USP33: variants seen among roughly 807,000 people sequenced by gnomAD.
USP33 encodes ubiquitin carboxyl-terminal hydrolase 33.
In USP33, 46 loss-of-function variants were observed where a neutral mutation model predicts 124.2. The observed-to-expected ratio is 0.37, with a 90% CI of 0.29 to 0.47. The LOEUF (loss-of-function observed/expected upper bound fraction) is 0.47. USP33 is among the 20% of genes least tolerant of loss of function. USP33 has a pLI of 0.99. For synonymous variants in USP33, 350 were observed against 352.3 expected (o/e 0.99, Z 0.07); for missense variants, 851 against 1,070.6 (o/e 0.79, Z 2.86).
chr1:77,741,762 AAC>A lies in USP33; in HGVS notation c.-51-16_-51-15del. On this transcript the variant is annotated splice_polypyrimidine_tract_variant and intron_variant, in intron 1 of 23. Coordinates refer to ENST00000370794, the MANE Select transcript of USP33 (RefSeq NM_201624.3). ...ATGAGGTAACACCTATAAGAAAAGT[AAC>A]ACACACAAAAAAATTAATAAATGCT... The A allele has an allele frequency of 1.3e-6, 2 of 1,543,094 alleles. No individual in the cohort carries two copies. Among genetic ancestry groups the A allele is most frequent in the Non-Finnish European group, 1.7e-6 (2 of 1,150,430 alleles).
Position 77,714,598 on chromosome 1 carries a change from T to C in USP33, c.2215+16A>G. On this transcript the variant is annotated intron_variant, in intron 19 of 23. Transcript: ENST00000370794. The stretch of plus-strand genomic sequence containing the variant: ...AGCAAACTTCTACTACCGGTTTGCA[T>C]TACAGGAGTTCTTACCTCCATGAAT... 1 of 1,606,486 alleles carries C rather than the reference T, an allele frequency of 6.2e-7. No individual in the cohort carries two copies. The highest frequency in any genetic ancestry group is 2.2e-5 in the East Asian group (1 of 44,772).
At position 77,696,207 on chromosome 1, in the gene USP33, C is replaced by T. The variant is rs1250340089; in HGVS notation, c.*1110G>A. ...TTATTCAAAAAGACTTTATCTATTT[C>T]ATTTAAAAAATCAAGTTGCAAGTGG... On this transcript the variant is annotated 3_prime_UTR_variant, in exon 24 of 24. Transcript: ENST00000370794. 1 of 152,438 alleles carries T rather than the reference C, an allele frequency of 6.6e-6. No individual in the cohort carries two copies. Among genetic ancestry groups the T allele is most frequent in the African/African-American group, 2.4e-5 (1 of 41,450 alleles). 9.4% of individuals were successfully genotyped at this position (152,438 alleles called of 1,614,324 possible).
chr1:77,734,297 A>C, intron 7 of USP33, 50 bp downstream of exon 7: 1 of 1,409,938 alleles, frequency 7.1e-7, no homozygotes, highest in Admixed American at 2.3e-5. Context: ...CTGCTCAAAA[A>C]ATAACTTAAA....
intron 6 of USP33, among the ~76,000 whole-genome samples, chr1:77,734,980 G>C (rs967745919): frequency 6.6e-6 from 1 of 151,956 alleles, no homozygotes; most frequent in Non-Finnish European, 1.5e-5. Context: ...AAAATTTGCC[G>C]GGCATGGTGG....
chr1:77,699,589 TG>T (rs1673780242), intron 22 of USP33, among the ~76,000 whole-genome samples: 4 of 152,190 alleles, frequency 2.6e-5, no homozygotes. Flanking sequence ...TTTACACTGT[TG>T]GTGGGAATGT....
chr1:77,738,252 G>A (rs1255114706), intron 5 of USP33, among the ~76,000 whole-genome samples: 1 of 152,124 alleles, frequency 6.6e-6, no homozygotes, highest in Non-Finnish European at 1.5e-5. Context: ...CAATGAACAA[G>A]TACAGAAATA....
rs1468916558 is a variant in USP33, at chr1:77,698,343, G to T, written c.2510-412C>A. Among the ~76,000 whole-genome samples the T allele has an allele frequency of 2.0e-5, 3 of 151,568 alleles. No homozygotes were observed. The South Asian group carries it at 6.2e-4, about 32-fold the overall frequency. The stretch of plus-strand genomic sequence containing the variant: ...CCACCTCAGCCTCCCAAAGTGCTGG[G>T]ATTACAGGCGTGAGCCACTACACCT... On this transcript the variant is annotated intron_variant, in intron 22 of 23. Transcript: ENST00000370794.
chr1:77,737,194 T>G (rs1194617436), intron 5 of USP33, among the ~76,000 whole-genome samples: 1 of 152,166 alleles, frequency 6.6e-6, no homozygotes, highest in Non-Finnish European at 1.5e-5. Context: ...GGAAACTGAA[T>G]AGCAGAAAGA....
chr1:77,747,606 C>G (rs1250808372), intron 1 of USP33, among the ~76,000 whole-genome samples: 1 of 152,130 alleles, frequency 6.6e-6, no homozygotes, highest in Non-Finnish European at 1.5e-5. Context: ...AATGCCAATA[C>G]TGTTATTAAC....
chr1:77,720,880 A>T (rs1676491540), intron 15 of USP33, among the ~76,000 whole-genome samples: 1 of 152,222 alleles, frequency 6.6e-6, no homozygotes, highest in Admixed American at 6.5e-5. Context: ...GCCTGTTAAA[A>T]TGGTAATTCA....
At chr1:77,736,848 T>G (rs1678521119) in intron 5 of USP33, among the ~76,000 whole-genome samples, 1 of 152,084 alleles carries the variant, frequency 6.6e-6, no homozygotes, top group South Asian at 2.1e-4. Flanking sequence ...GACCTCATGA[T>G]CCGCCCACCT....
intron 21 of USP33, among the ~76,000 whole-genome samples, chr1:77,705,436 C>G (rs1193365749): frequency 6.6e-6 from 1 of 152,024 alleles, no homozygotes; most frequent in Non-Finnish European, 1.5e-5. Context: ...CTCAAGTGAT[C>G]CGCCTGCCTC....
At chr1:77,712,443 A>C (rs1035079387) in intron 20 of USP33, among the ~76,000 whole-genome samples, 3 of 152,144 alleles carry the variant, frequency 2.0e-5, no homozygotes, top group African/African-American at 7.2e-5. Flanking sequence ...AAATCGCTTG[A>C]AACTGGGAGG....
Position 77,725,761 on chromosome 1 carries a change from T to G in USP33, c.1137A>C (p.Glu379Asp), listed in dbSNP as rs768601939. The change falls in exon 11 of 24, where the codon GAA becomes GAC. Residue 379 changes from glutamate to aspartate, a missense_variant and splice_region_variant. By Grantham distance (45) the Glu-to-Asp change is conservative. This residue lies in a region of USP33 where 207 missense variants were observed against 200.9 expected (regional missense o/e 1.03). Coordinates refer to ENST00000370794, the MANE Select transcript of USP33 (RefSeq NM_201624.3). ...CATTCGAATGGACATCAGTGATATATTCTGTAAGATTTAAAATTTGCATTA... is the reference window on the plus strand; with the variant it reads ...CATTCGAATGGACATCAGTGATATAGTCTGTAAGATTTAAAATTTGCATTA... ...VKVQIHSRAS[E>D]YITDVHSNDL... is the part of the protein sequence containing the mutation. 1.0e-5 allele frequency: 16 copies of G among 1,605,538 alleles called. No homozygotes were observed. The highest frequency in any genetic ancestry group is 2.2e-5 in the East Asian group (1 of 44,776).
chr1:77,711,030 G>C (rs906385960), intron 21 of USP33, among the ~76,000 whole-genome samples: 2 of 152,068 alleles, frequency 1.3e-5, no homozygotes, highest in African/African-American at 4.8e-5. Flanking sequence ...TTTGTGAAAA[G>C]TGAGTATATT....
At chr1:77,722,251 C>T (rs1408794858) in intron 12 of USP33, 55 bp from the exon 13 acceptor site, 8 of 1,458,332 alleles carry the variant, frequency 5.5e-6, no homozygotes, top group African/African-American at 1.4e-5. Flanking sequence ...TAAAACATTT[C>T]CAAGGTTAGA....
At chr1:77,739,552 T>A in intron 4 of USP33, 135 bp from the exon 5 acceptor site, 1 of 815,460 alleles carries the variant, frequency 1.2e-6, no homozygotes, top group South Asian at 2.9e-5. Flanking sequence ...ATTTAGAACA[T>A]GAAAAAAATT....
intron 1 of USP33, among the ~76,000 whole-genome samples, chr1:77,751,189 G>A (rs1329189526): frequency 6.6e-6 from 1 of 152,236 alleles, no homozygotes; most frequent in East Asian, 1.9e-4. Flanking sequence ...CTTGTATCTG[G>A]CAGCTTTTTC....
At chr1:77,712,235 G>A (rs1459566824) in intron 20 of USP33, among the ~76,000 whole-genome samples, 2 of 152,180 alleles carry the variant, frequency 1.3e-5, no homozygotes, top group Non-Finnish European at 2.9e-5. Flanking sequence ...TTCAATGTAT[G>A]AATTATTTTT....
Sources: allele counts gnomAD v4.1 joint callset (sites outside exome capture counted in the v4.1 genomes callset), GRCh38; gene constraint gnomAD v4.1.1; regional missense constraint gnomAD v4.1.1; transcripts MANE v1.5; gene names NCBI Gene and HGNC (gene_info 2026-07-23, HGNC 2026-07-21).